The following CRPPA variants were observed in gnomAD, a reference collection of about 807,000 sequenced individuals.
CRPPA encodes the protein CDP-L-ribitol pyrophosphorylase A, also known as D-ribitol-5-phosphate cytidylyltransferase.
Under a neutral mutation model 52.0 loss-of-function variants are expected in CRPPA, and 43 were observed. The observed-to-expected ratio is 0.83, with a 90% CI of 0.65 to 1.07. CRPPA has a LOEUF of 1.07. Ranked by LOEUF, CRPPA falls within the 50% of genes least tolerant of loss-of-function variation. The pLI, the probability that CRPPA is intolerant of heterozygous loss-of-function variation, is 0.00. For missense variants in CRPPA, 629 were observed against 551.7 expected (o/e 1.14, Z -1.40); for synonymous variants, 250 against 203.5 (o/e 1.23, Z -1.94).
chr7:16,213,936 C>T (rs1413176395), intron 9 of CRPPA, among the ~76,000 whole-genome samples: 2 of 152,116 alleles, frequency 1.3e-5, no homozygotes, highest in African/African-American at 2.4e-5. Context: ...CTTTATGTTA[C>T]ACTTCTAATC....
intron 6 of CRPPA, among the ~76,000 whole-genome samples, chr7:16,265,524 G>C (rs1274955059): frequency 5.3e-5 from 8 of 152,138 alleles, no homozygotes; most frequent in Non-Finnish European, 8.8e-5. Context: ...AACAACTACT[G>C]TTCTAGGAAG....
At chr7:16,270,904 T>C (rs1221587219) in intron 6 of CRPPA, among the ~76,000 whole-genome samples, 1 of 152,112 alleles carries the variant, frequency 6.6e-6, no homozygotes, top group African/African-American at 2.4e-5. Context: ...TGTGCTAGTT[T>C]TGATGTGTTG....
intron 9 of CRPPA, among the ~76,000 whole-genome samples, chr7:16,112,720 TTAGAAAC>T (rs1173939088): frequency 1.3e-5 from 2 of 152,104 alleles, no homozygotes; most frequent in African/African-American, 4.8e-5. Flanking sequence ...GGGGAACTGT[TTAGAAAC>T]TAGAAACTTA....
rs115870182 is a variant in CRPPA at position 16,308,705 on chromosome 7, C to A, written c.685-78G>T. 1,728 of 862,448 alleles carry A rather than the reference C, an allele frequency of 2.0e-3. 29 individuals carry two copies. The African/African-American group carries it at 0.027, about 14-fold the overall frequency. The allele number at this position is 862,448 out of a possible 1,614,324, so 53.4% of individuals were successfully genotyped here. ...AAACCAAGCCTTTTATTTCATAATC[C>A]ATTGCAAACAAAGGAAGGGCCTAGG... On this transcript the variant is annotated intron_variant, in intron 3 of 9. Coordinates refer to ENST00000407010, the MANE Select transcript of CRPPA (RefSeq NM_001101426.4).
In CRPPA at chr7:16,111,024, T is replaced by A. The variant is rs144427678; in HGVS notation, c.1252-19225A>T. On this transcript the variant is annotated intron_variant, in intron 9 of 9. Coordinates refer to ENST00000407010, the MANE Select transcript of CRPPA (RefSeq NM_001101426.4). Reference sequence around the variant, plus strand: ...AAATCTGTGCATGCCATATACCCAATAAGAGGTTAATATTTAAAATATTTA... The same window carrying A: ...AAATCTGTGCATGCCATATACCCAAAAAGAGGTTAATATTTAAAATATTTA... 7.0e-3 allele frequency among the ~76,000 whole-genome samples: 1,070 copies of A among 151,810 alleles called. 9 individuals are homozygous for A. The highest frequency in any genetic ancestry group is 0.011 in the South Asian group (52 of 4,796).
At chr7:16,115,644 C>A (rs945284643) in intron 9 of CRPPA, among the ~76,000 whole-genome samples, 9 of 152,168 alleles carry the variant, frequency 5.9e-5, no homozygotes, top group African/African-American at 2.2e-4. Context: ...AGAAATTGCT[C>A]ATTTCAAGCC....
At chr7:16,142,113 C>G (rs540459033) in intron 9 of CRPPA, among the ~76,000 whole-genome samples, 2 of 152,128 alleles carry the variant, frequency 1.3e-5, no homozygotes, top group Non-Finnish European at 2.9e-5. Flanking sequence ...GAGACATAAA[C>G]AAGAACGGAT....
chr7:16,368,950 G>A (rs1305265461), intron 3 of CRPPA, among the ~76,000 whole-genome samples: 1 of 152,092 alleles, frequency 6.6e-6, no homozygotes, highest in Non-Finnish European at 1.5e-5. Context: ...TGGCATTAGT[G>A]TTAACATATA....
At chr7:16,357,161 A>ATATATATTTATT (rs113504830) in intron 3 of CRPPA, among the ~76,000 whole-genome samples, 1 of 149,292 alleles carries the variant, frequency 6.7e-6, no homozygotes, top group African/African-American at 2.5e-5. Context: ...CCTTTAGGGG[A>ATATATATTTATT]TATTTATTTA....
intron 9 of CRPPA, among the ~76,000 whole-genome samples, chr7:16,142,165 C>T (rs1324703065): frequency 6.6e-6 from 1 of 152,136 alleles, no homozygotes; most frequent in Non-Finnish European, 1.5e-5. Context: ...TACGGACTGG[C>T]TTCTACATTT....
chr7:16,322,901 T>C (rs1357658561), intron 3 of CRPPA, among the ~76,000 whole-genome samples: 1 of 152,124 alleles, frequency 6.6e-6, no homozygotes, highest in Non-Finnish European at 1.5e-5. Context: ...CTTACAATTA[T>C]GGCAGAAGGT....
chr7:16,223,046 G>A (rs1191473777), intron 8 of CRPPA, among the ~76,000 whole-genome samples: 4 of 151,744 alleles, frequency 2.6e-5, no homozygotes, highest in Non-Finnish European at 5.9e-5. Context: ...AATCCCAGCA[G>A]TTTGAGAGGC....
intron 2 of CRPPA, among the ~76,000 whole-genome samples, chr7:16,378,542 G>C (rs953706515): frequency 6.6e-6 from 1 of 151,912 alleles, no homozygotes; most frequent in Admixed American, 6.6e-5. Flanking sequence ...CCAAGTATTT[G>C]CTATTGTGAA....
At chr7:16,376,679 G>C (rs1786897269) in intron 2 of CRPPA, among the ~76,000 whole-genome samples, 1 of 152,144 alleles carries the variant, frequency 6.6e-6, no homozygotes, top group African/African-American at 2.4e-5. Flanking sequence ...AGATCCCCTA[G>C]ATGAGACTCA....
intron 9 of CRPPA, among the ~76,000 whole-genome samples, chr7:16,181,625 A>G (rs1484420211): frequency 6.6e-6 from 1 of 152,046 alleles, no homozygotes; most frequent in African/African-American, 2.4e-5. Flanking sequence ...CTGTCAGAGC[A>G]CATTTTTTCC....
intron 2 of CRPPA, among the ~76,000 whole-genome samples, chr7:16,391,558 A>G (rs1048572651): frequency 1.3e-5 from 2 of 152,204 alleles, no homozygotes; most frequent in African/African-American, 4.8e-5. Flanking sequence ...TCAAAGAACT[A>G]GTCAAGTTCC....
chr7:16,197,026 A>T (rs1562551227), intron 9 of CRPPA, among the ~76,000 whole-genome samples: 2 of 149,094 alleles, frequency 1.3e-5, no homozygotes, highest in African/African-American at 4.9e-5. Context: ...CCTTAAAAAA[A>T]GAAAAAGCTA....
intron 3 of CRPPA, among the ~76,000 whole-genome samples, chr7:16,315,821 A>G (rs1326453462): frequency 6.6e-6 from 1 of 152,060 alleles, no homozygotes; most frequent in Admixed American, 6.5e-5. Flanking sequence ...AGGTTTTCCT[A>G]CCCTGTCACT....
intron 3 of CRPPA, among the ~76,000 whole-genome samples, chr7:16,325,987 G>A (rs1785378109): frequency 6.6e-6 from 1 of 150,802 alleles, no homozygotes; most frequent in Non-Finnish European, 1.5e-5. Context: ...AACAATCATG[G>A]TCTAGTAATA....
Sources: gnomAD v4.1 joint callset for allele counts (sites outside exome capture counted in the v4.1 genomes callset) on GRCh38, gnomAD v4.1.1 for gene constraint, MANE v1.5 for transcripts, NCBI Gene and HGNC (gene_info 2026-07-23, HGNC 2026-07-21) for gene names.